Variants in FBXO25 observed in about 807,000 individuals in gnomAD.
The protein encoded by FBXO25 is F-box protein 25.
FBXO25 carries 45 observed loss-of-function variants against 51.9 expected under a neutral mutation model. That is an observed-to-expected ratio of 0.87 (90% CI 0.68 to 1.11). The LOEUF is 1.11. Ranked by LOEUF, FBXO25 falls within the 50% of genes most tolerant of loss-of-function variation. FBXO25 has a pLI of 0.00. For missense variants in FBXO25, 507 were observed against 428.5 expected, an observed-to-expected ratio of 1.18 and a Z score of -1.62; for synonymous variants, 199 against 151.0, an observed-to-expected ratio of 1.32 and a Z score of -2.33.
intron 9 of FBXO25, chr8:468,286 T>C (rs1800322093): frequency 9.8e-7 from 1 of 1,016,452 alleles, no homozygotes; most frequent in South Asian, 4.3e-5. Context: ...GATTCAGGGA[T>C]GAATGGCGGG....
At chr8:420,719 G>A (rs1221142481) in intron 2 of FBXO25, among the ~76,000 whole-genome samples, 2 of 152,210 alleles carry the variant, frequency 1.3e-5, no homozygotes, top group African/African-American at 2.4e-5. Flanking sequence ...TAAAGGATGC[G>A]CTAGAAAAAG....
intron 5 of FBXO25, among the ~76,000 whole-genome samples, chr8:442,397 C>T (rs1414910104): frequency 6.6e-6 from 1 of 151,962 alleles, no homozygotes; most frequent in African/African-American, 2.4e-5. Context: ...ACTGCACCTA[C>T]AGGTTACTTT....
At chr8:467,813 G>A in intron 9 of FBXO25, 6 of 1,606,352 alleles carry the variant, frequency 3.7e-6, no homozygotes, top group Non-Finnish European at 5.1e-6. Flanking sequence ...TGCATCTCAT[G>A]CACGTCATCT....
At chr8:454,750 G>T (rs927644744) in intron 7 of FBXO25, among the ~76,000 whole-genome samples, 5 of 151,986 alleles carry the variant, frequency 3.3e-5, no homozygotes, top group African/African-American at 9.7e-5. Flanking sequence ...AATTAGCCGG[G>T]CGTGGTGGGA....
chr8:462,936 A>C, intron 8 of FBXO25, 71 bp from the exon 9 acceptor site: 6 of 1,514,218 alleles, frequency 4.0e-6, no homozygotes, highest in Non-Finnish European at 5.3e-6. Context: ...TAAAATGAAA[A>C]AGTTTTACAC....
intron 8 of FBXO25, 74 bp downstream of exon 8, chr8:458,625 T>C: frequency 7.2e-7 from 1 of 1,392,016 alleles, no homozygotes; most frequent in Non-Finnish European, 9.8e-7. Flanking sequence ...CCCTATAAAC[T>C]CACCTGGAGA....
At chr8:452,069 G>T (rs997255373) in intron 7 of FBXO25, among the ~76,000 whole-genome samples, 2 of 152,246 alleles carry the variant, frequency 1.3e-5, no homozygotes, top group African/African-American at 4.8e-5. Flanking sequence ...TGTGCCTTAC[G>T]TAGCCTTGGT....
At chr8:407,960 T>C (rs1214404410) in intron 1 of FBXO25, among the ~76,000 whole-genome samples, 1 of 152,206 alleles carries the variant, frequency 6.6e-6, no homozygotes, top group Non-Finnish European at 1.5e-5. Flanking sequence ...TCTTCCCTTA[T>C]GAAGCTGTCT....
At position 477,944 on chromosome 8, in the gene FBXO25, T is replaced by A. The variant is rs767663060; in HGVS notation, c.*9140T>A. On this transcript the variant is annotated 3_prime_UTR_variant, in exon 10 of 10. Transcript: ENST00000350302. The stretch of plus-strand genomic sequence containing the variant: ...ATACTTTTGTATCTATTTGACATTT[T>A]CCATTAAAAGTTATATAACACTACT... 15 of 152,226 alleles carry A rather than the reference T, an allele frequency of 9.9e-5. No individual in the cohort carries two copies. The highest frequency in any genetic ancestry group is 1.9e-4 in the Non-Finnish European group (13 of 68,030). The allele number at this position is 152,226 out of a possible 1,614,324, so 9.4% of individuals were successfully genotyped here. A position where few individuals can be genotyped will look rare whatever the true frequency, so the allele number is the denominator to read the frequency against.
At chr8:432,996 C>T in intron 4 of FBXO25, 61 bp downstream of exon 4, 1 of 1,470,450 alleles carries the variant, frequency 6.8e-7, no homozygotes, top group Non-Finnish European at 9.0e-7. Flanking sequence ...TATGGAGTCA[C>T]ATTAAATAAA....
chr8:411,879 A>G (rs1479819828), intron 1 of FBXO25, among the ~76,000 whole-genome samples: 3 of 152,300 alleles, frequency 2.0e-5, no homozygotes, highest in East Asian at 3.9e-4. Context: ...CTCACTGTGT[A>G]TGAGAATCAC....
rs113127336 is a variant in FBXO25, at chr8:417,499, G to T, written c.134+4286G>T. ...TATGGTGCAGTAAGAGGGTCGAGGG[G>T]TGAGACTAAGACTTTGGCCTGAGCA... On this transcript the variant is annotated intron_variant, in intron 2 of 9. Coordinates refer to ENST00000350302, the MANE Select transcript of FBXO25 (RefSeq NM_183420.2). 9.8e-3 allele frequency among the ~76,000 whole-genome samples: 1,490 copies of T among 152,314 alleles called. 20 individuals carry two copies. The highest frequency in any genetic ancestry group is 0.034 in the African/African-American group (1,394 of 41,564).
intron 7 of FBXO25, among the ~76,000 whole-genome samples, chr8:454,654 G>C (rs143036019): frequency 1.3e-5 from 2 of 152,146 alleles, no homozygotes; most frequent in East Asian, 1.9e-4. Flanking sequence ...CACTTTGGGA[G>C]GCCGAGGTGG....
At chr8:414,891 A>G (rs1225584251) in intron 2 of FBXO25, among the ~76,000 whole-genome samples, 1 of 152,122 alleles carries the variant, frequency 6.6e-6, no homozygotes, top group Non-Finnish European at 1.5e-5. Flanking sequence ...CTACTCTGCC[A>G]TTTCGTTCAT....
intron 4 of FBXO25, 49 bp downstream of exon 4, chr8:432,984 A>T: frequency 6.7e-7 from 1 of 1,494,056 alleles, no homozygotes; most frequent in Non-Finnish European, 8.9e-7. Flanking sequence ...GTTTCTGTTG[A>T]ATATGGAGTC....
At chr8:434,015 GA>G (rs1797965195) in intron 4 of FBXO25, among the ~76,000 whole-genome samples, 2 of 152,212 alleles carry the variant, frequency 1.3e-5, no homozygotes, top group East Asian at 3.9e-4. Flanking sequence ...ACTGATTACA[GA>G]ACAGAGGATC....
At chr8:407,981 C>G (rs962880613) in intron 1 of FBXO25, among the ~76,000 whole-genome samples, 13 of 152,294 alleles carry the variant, frequency 8.5e-5, no homozygotes, top group African/African-American at 2.9e-4. Flanking sequence ...CTTGCTGCCT[C>G]CAAATCCTTA....
rs987489283 is a variant in FBXO25, at chr8:427,804, C to T, written c.135-3537C>T. Among the ~76,000 whole-genome samples the T allele has an allele frequency of 1.7e-4, 26 of 150,700 alleles. 1 individual carries two copies. The highest frequency in any genetic ancestry group is 5.4e-4 in the African/African-American group (22 of 40,944). ...TATTTTACAGCAATATAGTTAAGAA[C>T]TGATGCCCTTGATTAGCAATTTTAA... On this transcript the variant is annotated intron_variant, in intron 2 of 9. Transcript: ENST00000350302.
At chr8:449,063 A>G (rs1798911081) in intron 5 of FBXO25, among the ~76,000 whole-genome samples, 1 of 149,824 alleles carries the variant, frequency 6.7e-6, no homozygotes, top group Non-Finnish European at 1.5e-5. Context: ...AACTTTATAC[A>G]CATAACCTGA....
Sources: allele counts gnomAD v4.1 joint callset (sites outside exome capture counted in the v4.1 genomes callset), GRCh38; gene constraint gnomAD v4.1.1; transcripts MANE v1.5; gene names NCBI Gene and HGNC (gene_info 2026-07-23, HGNC 2026-07-21).